The following GLDN variants were observed in gnomAD, a reference collection of about 807,000 sequenced individuals.
GLDN encodes collomin.
Under a neutral mutation model 56.5 loss-of-function variants are expected in GLDN, and 47 were observed. That is an observed-to-expected ratio of 0.83 (90% CI 0.66 to 1.06). The LOEUF is 1.06. Ranked by LOEUF, GLDN falls within the 50% of genes least tolerant of loss-of-function variation. The probability of loss-of-function intolerance (pLI) is 0.00; values close to 1 mark genes in which losing one functional copy is unlikely to be tolerated. For missense variants in GLDN, 782 were observed against 714.3 expected, an observed-to-expected ratio of 1.09 and a Z score of -1.08; for synonymous variants, 332 against 278.8, an observed-to-expected ratio of 1.19 and a Z score of -1.90.
intron 1 of GLDN, among the ~76,000 whole-genome samples, chr15:51,359,150 C>T (rs2037242817): frequency 6.6e-6 from 1 of 152,142 alleles, no homozygotes; most frequent in African/African-American, 2.4e-5. Context: ...CAATTGTGCC[C>T]CCTCCAAGCC....
At chr15:51,397,720 A>G in intron 6 of GLDN, 122 bp downstream of exon 6, 1 of 1,238,968 alleles carries the variant, frequency 8.1e-7, no homozygotes. Context: ...GTCCAAAATG[A>G]AAGTTCCCTT....
At chr15:51,363,598 C>T (rs889065413) in intron 1 of GLDN, among the ~76,000 whole-genome samples, 10 of 152,150 alleles carry the variant, frequency 6.6e-5, no homozygotes, top group Admixed American at 5.2e-4. Context: ...AATTCACAGG[C>T]GAGTGGGAGG....
intron 8 of GLDN, 56 bp downstream of exon 8, chr15:51,400,554 T>C: frequency 6.4e-7 from 1 of 1,566,896 alleles, no homozygotes; most frequent in Non-Finnish European, 8.7e-7. Context: ...TTTTCATCTG[T>C]TGCCTACCTT....
At chr15:51,410,236 T>C (rs748117100), downstream of GLDN, among the ~76,000 whole-genome samples, 6 of 152,214 alleles carry the variant, frequency 3.9e-5, no homozygotes, top group Non-Finnish European at 5.9e-5. Flanking sequence ...GTTTAAATCC[T>C]CTCTACAAAT....
chr15:51,384,217 G>A (rs2037839463), intron 4 of GLDN: 1 of 352,900 alleles, frequency 2.8e-6, no homozygotes, highest in Middle Eastern at 8.6e-4. Flanking sequence ...AGCTGGTGCT[G>A]GTGCATGCTC....
intron 1 of GLDN, among the ~76,000 whole-genome samples, chr15:51,375,923 T>C: frequency 6.6e-6 from 1 of 152,170 alleles, no homozygotes; most frequent in East Asian, 1.9e-4. Flanking sequence ...TCAGATGCTG[T>C]GGGGGCTGGC....
At chr15:51,349,911 T>G (rs921702116) in intron 1 of GLDN, among the ~76,000 whole-genome samples, 2 of 152,048 alleles carry the variant, frequency 1.3e-5, no homozygotes, top group Non-Finnish European at 1.5e-5. Flanking sequence ...AGCTAATTTT[T>G]TGTGTGTGTT....
At position 51,341,943 on chromosome 15, in the gene GLDN, G is replaced by T; in HGVS notation, c.259G>T (p.Ala87Ser). ...RGASAPPQDP[A>S]SSARNKRSHS... is the part of the protein sequence containing the mutation. ...GGCGTCCGCACCACCCCAAGACCCGGCCAGCTCAGCTCGCAACAAGCGCAG... is the reference window on the plus strand; with the variant it reads ...GGCGTCCGCACCACCCCAAGACCCGTCCAGCTCAGCTCGCAACAAGCGCAG... The change falls in exon 1 of 10, where the codon GCC (alanine) becomes TCC (serine). Residue 87 changes from alanine to serine, a missense_variant. Coordinates refer to ENST00000335449, the MANE Select transcript of GLDN (RefSeq NM_181789.4). 1 of 1,597,138 alleles carries T rather than the reference G, an allele frequency of 6.3e-7. No individual in the cohort carries two copies. Among genetic ancestry groups the T allele is most frequent in the Non-Finnish European group, 8.5e-7 (1 of 1,179,324 alleles).
rs766366490 is a variant in GLDN at position 51,404,421 on chromosome 15, T to C, written c.1323T>C (p.Ser441=). The part of the protein sequence containing the change: ...EKGLWIIYAS[S]VDGSSILVAQ... ...GCCTTTGGATTATCTATGCGTCAAG[T>C]GTGGACGGCTCGAGCATTCTTGTAG... The change falls in exon 10 of 10, where the codon AGT becomes AGC. Residue 441 remains serine, a synonymous_variant. Coordinates refer to ENST00000335449, the MANE Select transcript of GLDN (RefSeq NM_181789.4). 1.2e-6 allele frequency: 2 copies of C among 1,614,196 alleles called. No individual in the cohort carries two copies. Among genetic ancestry groups the C allele is most frequent in the Admixed American group, 1.7e-5 (1 of 60,028 alleles).
chr15:51,402,225 C>T lies in GLDN; in HGVS notation c.1178+482C>T, dbSNP rs141369370. 9.6e-3 allele frequency among the ~76,000 whole-genome samples: 1,460 copies of T among 152,348 alleles called. 19 individuals are homozygous for T. Among genetic ancestry groups the T allele is most frequent in the African/African-American group, 0.034 (1,408 of 41,580 alleles). ...GATCCGTCTGTCATCCTGATGGAGT[C>T]CTCCCAGGCCGCCCTCTGCTCTCCC... On this transcript the variant is annotated intron_variant, in intron 9 of 9. Transcript: ENST00000335449.
chr15:51,377,614 T>A, intron 2 of GLDN, 114 bp downstream of exon 2: 1 of 687,930 alleles, frequency 1.5e-6, no homozygotes, highest in Non-Finnish European at 2.4e-6. Context: ...GTTGGTTTAC[T>A]TTTACCAGAT....
chr15:51,413,244 A>AT, the GLDN span, among the ~76,000 whole-genome samples: 200 of 152,302 alleles, frequency 1.3e-3, no homozygotes, highest in Middle Eastern at 0.017. Context: ...TTAAAAACTA[A>AT]TTTTTTGGAA....
chr15:51,390,205 T>A (rs2037987623), intron 4 of GLDN, among the ~76,000 whole-genome samples: 1 of 152,254 alleles, frequency 6.6e-6, no homozygotes, highest in Non-Finnish European at 1.5e-5. Context: ...TTAAATGAGT[T>A]AATGTATATA....
At chr15:51,396,998 T>C (rs2445750) in intron 5 of GLDN, among the ~76,000 whole-genome samples, 100,605 of 151,860 alleles carry the variant, frequency 0.66, 33,577 homozygotes, top group Non-Finnish European at 0.7. Flanking sequence ...TGTTCCTCCA[T>C]GCTGCTGACC....
At chr15:51,373,774 G>A (rs895527639) in intron 1 of GLDN, among the ~76,000 whole-genome samples, 1 of 152,168 alleles carries the variant, frequency 6.6e-6, no homozygotes, top group Admixed American at 6.5e-5. Context: ...AACATGGATG[G>A]GTCATGCCTA....
At chr15:51,396,238 A>G (rs2038126326) in intron 5 of GLDN, among the ~76,000 whole-genome samples, 1 of 152,170 alleles carries the variant, frequency 6.6e-6, no homozygotes, top group Non-Finnish European at 1.5e-5. Context: ...TGTTCCTCAA[A>G]ACAAAGAACA....
At chr15:51,385,037 G>T (rs960041761) in intron 4 of GLDN, 5 of 152,170 alleles carry the variant, frequency 3.3e-5, no homozygotes, top group Non-Finnish European at 4.4e-5. Context: ...GTTCCAGAGG[G>T]CAGCTTCAGA....
chr15:51,378,117 T>A (rs1238650537), intron 2 of GLDN, among the ~76,000 whole-genome samples: 5 of 152,184 alleles, frequency 3.3e-5, no homozygotes, highest in Non-Finnish European at 5.9e-5. Context: ...ATTACCTGCC[T>A]TGCATTAGGA....
At chr15:51,410,756 T>C (rs1195241475), downstream of GLDN, among the ~76,000 whole-genome samples, 3 of 152,184 alleles carry the variant, frequency 2.0e-5, no homozygotes, top group East Asian at 5.8e-4. Context: ...TCCCAGATAT[T>C]GCATGAAATA....
Sources: allele counts gnomAD v4.1 joint callset (sites outside exome capture counted in the v4.1 genomes callset), GRCh38; gene constraint gnomAD v4.1.1; transcripts MANE v1.5; gene names NCBI Gene and HGNC (gene_info 2026-07-23, HGNC 2026-07-21).